Variants in OSTF1 observed in about 807,000 individuals in gnomAD.
The protein encoded by OSTF1 is osteoclast-stimulating factor 1.
In OSTF1, 27 loss-of-function variants were observed where a neutral mutation model predicts 37.2. That is an observed-to-expected ratio of 0.73 (90% CI 0.54 to 1.00). The LOEUF (loss-of-function observed/expected upper bound fraction) is 1.00. Among genes scored for constraint, OSTF1 ranks in the 50% least tolerant of loss-of-function variants. The probability of loss-of-function intolerance (pLI) is 0.00; values close to 1 mark genes in which losing one functional copy is unlikely to be tolerated. For synonymous variants in OSTF1, 82 were observed against 89.2 expected, an observed-to-expected ratio of 0.92 and a Z score of 0.46; for missense variants, 232 against 253.8, an observed-to-expected ratio of 0.91 and a Z score of 0.58.
intron 9 of OSTF1, 99 bp from the exon 10 acceptor site, chr9:75,146,584 A>T: frequency 1.2e-6 from 1 of 803,526 alleles, no homozygotes; most frequent in Non-Finnish European, 2.1e-6. Flanking sequence ...GGTCAGATGG[A>T]AGATTCTATT....
At chr9:75,088,942 A>G (rs771978161) in intron 1 of OSTF1, among the ~76,000 whole-genome samples, 2 of 152,076 alleles carry the variant, frequency 1.3e-5, no homozygotes, top group South Asian at 4.2e-4. Flanking sequence ...TAATATATAT[A>G]TATATATTTA....
intron 9 of OSTF1, among the ~76,000 whole-genome samples, chr9:75,145,607 C>G (rs1343819389): frequency 1.3e-5 from 2 of 152,114 alleles, no homozygotes; most frequent in Non-Finnish European, 1.5e-5. Context: ...CGCAGAGGAA[C>G]AGTTAATGTA....
chr9:75,096,509 T>C (rs910491141), intron 1 of OSTF1, among the ~76,000 whole-genome samples: 1 of 152,164 alleles, frequency 6.6e-6, no homozygotes, highest in Non-Finnish European at 1.5e-5. Context: ...TCTAACCAAC[T>C]CAGTTTATAC....
At chr9:75,125,788 G>A (rs1825652266) in intron 2 of OSTF1, among the ~76,000 whole-genome samples, 1 of 152,194 alleles carries the variant, frequency 6.6e-6, no homozygotes, top group Non-Finnish European at 1.5e-5. Flanking sequence ...TAAGAATGTA[G>A]ATCAGCTTTA....
At chr9:75,145,130 T>TCTGC (rs1587483738) in intron 9 of OSTF1, among the ~76,000 whole-genome samples, 2 of 132,340 alleles carry the variant, frequency 1.5e-5, no homozygotes, top group East Asian at 4.3e-4. Context: ...CAATCATGTA[T>TCTGC]CTGCCTGCCT....
At chr9:75,108,361 A>G (rs984010980) in intron 1 of OSTF1, among the ~76,000 whole-genome samples, 3 of 151,950 alleles carry the variant, frequency 2.0e-5, no homozygotes, top group Non-Finnish European at 4.4e-5. Flanking sequence ...TGGAGGTGGC[A>G]TGACCAGGGT....
intron 3 of OSTF1, among the ~76,000 whole-genome samples, chr9:75,128,782 A>G (rs1030709971): frequency 2.6e-5 from 4 of 151,360 alleles, no homozygotes; most frequent in Admixed American, 2.0e-4. Flanking sequence ...GATTTTCAGC[A>G]TAGCAAAAAG....
At chr9:75,110,598 C>T (rs1452369716) in intron 1 of OSTF1, among the ~76,000 whole-genome samples, 2 of 152,134 alleles carry the variant, frequency 1.3e-5, no homozygotes. Context: ...CTTAAAAAGA[C>T]ATAAGTGAAA....
intron 1 of OSTF1, among the ~76,000 whole-genome samples, chr9:75,095,253 G>A (rs557356581): frequency 4.6e-5 from 7 of 152,320 alleles, no homozygotes; most frequent in African/African-American, 1.2e-4. Flanking sequence ...GGGATTTGTT[G>A]TTTCAGAGGG....
chr9:75,136,112 G>A (rs561538274), intron 7 of OSTF1, among the ~76,000 whole-genome samples: 1 of 152,210 alleles, frequency 6.6e-6, no homozygotes, highest in African/African-American at 2.4e-5. Context: ...AGAGGAGGGG[G>A]CCTGTACCAG....
At chr9:75,135,025 T>C (rs1470738675) in intron 7 of OSTF1, among the ~76,000 whole-genome samples, 1 of 152,166 alleles carries the variant, frequency 6.6e-6, no homozygotes, top group Non-Finnish European at 1.5e-5. Flanking sequence ...TTCCTGAAGC[T>C]CTCCATCATT....
At chr9:75,114,575 C>T (rs1445488906) in intron 1 of OSTF1, among the ~76,000 whole-genome samples, 2 of 143,886 alleles carry the variant, frequency 1.4e-5, no homozygotes, top group African/African-American at 2.6e-5. Context: ...TTTTTTGAGA[C>T]AGGGTCTCTC....
In OSTF1 at chr9:75,115,008, A is replaced by C. The variant is rs574511024; in HGVS notation, c.35-2496A>C. On this transcript the variant is annotated intron_variant, in intron 1 of 9. Coordinates refer to ENST00000346234, the MANE Select transcript of OSTF1 (RefSeq NM_012383.5). ...AAACAACAAAAATACTTGTCTTCTTAATGCTTACAATTGATCCACAAAAGG... is the reference window on the plus strand; with the variant it reads ...AAACAACAAAAATACTTGTCTTCTTCATGCTTACAATTGATCCACAAAAGG... Among the ~76,000 whole-genome samples the C allele has an allele frequency of 3.8e-4, 58 of 152,344 alleles. 1 individual carries two copies. The highest frequency in any genetic ancestry group is 2.1e-4 in the South Asian group (1 of 4,828).
chr9:75,134,043 A>G (rs1202528400), intron 6 of OSTF1, among the ~76,000 whole-genome samples: 1 of 152,210 alleles, frequency 6.6e-6, no homozygotes, highest in Non-Finnish European at 1.5e-5. Context: ...AAAGAAGCCT[A>G]TCTTATTTCA....
At chr9:75,105,510 T>C (rs940199428) in intron 1 of OSTF1, among the ~76,000 whole-genome samples, 3 of 152,232 alleles carry the variant, frequency 2.0e-5, no homozygotes, top group African/African-American at 7.2e-5. Flanking sequence ...CTATTTTTCA[T>C]TTTTCTCTCA....
rs1293663741 is a variant in OSTF1, at chr9:75,115,434, G to A, written c.35-2070G>A. On this transcript the variant is annotated intron_variant, in intron 1 of 9. Coordinates refer to ENST00000346234, the MANE Select transcript of OSTF1 (RefSeq NM_012383.5). The stretch of plus-strand genomic sequence containing the variant: ...AGCCTCCTGAGTAGCAAGGACTACA[G>A]GTGCACGCCATCATGCCCGGCAAAT... Among the ~76,000 whole-genome samples the A allele has an allele frequency of 2.0e-5, 3 of 152,272 alleles. No homozygotes were observed. The East Asian group carries it at 5.8e-4, about 29-fold the overall frequency.
chr9:75,144,922 C>T (rs1183345836), intron 9 of OSTF1, among the ~76,000 whole-genome samples: 2 of 152,058 alleles, frequency 1.3e-5, no homozygotes, highest in Non-Finnish European at 2.9e-5. Flanking sequence ...CTCTCTTCTT[C>T]CCCCTTTTTA....
intron 1 of OSTF1, among the ~76,000 whole-genome samples, chr9:75,098,927 TTC>T (rs1825137568): frequency 1.3e-5 from 2 of 152,168 alleles, no homozygotes; most frequent in Admixed American, 6.5e-5. Flanking sequence ...GCCTCTTTTT[TTC>T]TTTTTTATTT....
At chr9:75,140,813 G>C (rs765111349) in intron 8 of OSTF1, 21 bp from the exon 9 acceptor site, 100 of 1,578,800 alleles carry the variant, frequency 6.3e-5, no homozygotes, top group Non-Finnish European at 7.6e-5. Flanking sequence ...ACACCTAATT[G>C]ACTTTTCTTG....
Sources: gnomAD v4.1 joint callset for allele counts (sites outside exome capture counted in the v4.1 genomes callset) on GRCh38, gnomAD v4.1.1 for gene constraint, MANE v1.5 for transcripts, NCBI Gene and HGNC (gene_info 2026-07-23, HGNC 2026-07-21) for gene names.